The following EVI5 variants were observed in gnomAD, a reference collection of about 807,000 sequenced individuals.
The protein encoded by EVI5 is ecotropic viral integration site 5, also known as ecotropic viral integration site 5 protein homolog.
In EVI5, 73 loss-of-function variants were observed where a neutral mutation model predicts 112.0. The observed-to-expected ratio is 0.65, with a 90% CI of 0.54 to 0.79. EVI5 has a LOEUF of 0.79. Among genes scored for constraint, EVI5 ranks in the 30% least tolerant of loss-of-function variants. The probability of loss-of-function intolerance (pLI) is 0.00; values close to 1 mark genes in which losing one functional copy is unlikely to be tolerated. For missense variants in EVI5, 900 were observed against 968.8 expected (o/e 0.93, Z 0.94); for synonymous variants, 305 against 319.9 (o/e 0.95, Z 0.50).
chr1:92,685,961 C>A (rs1214791175), intron 9 of EVI5, among the ~76,000 whole-genome samples: 1 of 152,132 alleles, frequency 6.6e-6, no homozygotes, highest in African/African-American at 2.4e-5. Flanking sequence ...TCAAATTCTT[C>A]CAGAGGTACA....
chr1:92,586,569 C>T (rs1672815188), intron 18 of EVI5, among the ~76,000 whole-genome samples: 1 of 140,152 alleles, frequency 7.1e-6, no homozygotes, highest in Non-Finnish European at 1.5e-5. Flanking sequence ...GTCCCTTCAA[C>T]ACACTCCAAT....
Position 92,684,020 on chromosome 1 carries a change from G to A in EVI5, c.1098-6802C>T, listed in dbSNP as rs146114296. On this transcript the variant is annotated intron_variant, in intron 9 of 19. Coordinates refer to ENST00000684568, the MANE Select transcript of EVI5 (RefSeq NM_001350197.2). ...AGAACTTCCCTAACCTAGCAAGGCAGGACAACATTCAAATTGAGGAAAAAC... is the reference window on the plus strand; with the variant it reads ...AGAACTTCCCTAACCTAGCAAGGCAAGACAACATTCAAATTGAGGAAAAAC... Among the ~76,000 whole-genome samples, 20 of 152,256 alleles carry A rather than the reference G, an allele frequency of 1.3e-4. 1 individual carries two copies. The highest frequency in any genetic ancestry group is 4.8e-4 in the African/African-American group (20 of 41,544).
At chr1:92,671,845 C>T (rs1293814843) in intron 10 of EVI5, among the ~76,000 whole-genome samples, 1 of 151,222 alleles carries the variant, frequency 6.6e-6, no homozygotes, top group African/African-American at 2.4e-5. Context: ...CTCTGTCACC[C>T]AGGAAGGAAT....
intron 1 of EVI5, among the ~76,000 whole-genome samples, chr1:92,766,166 G>A (rs1445382519): frequency 6.7e-6 from 1 of 149,436 alleles, no homozygotes; most frequent in Non-Finnish European, 1.5e-5. Context: ...TAAGAACACT[G>A]GAAAACTGAA....
intron 18 of EVI5, among the ~76,000 whole-genome samples, chr1:92,599,771 C>A (rs775343001): frequency 8.6e-5 from 13 of 152,042 alleles, no homozygotes; most frequent in Non-Finnish European, 1.5e-4. Flanking sequence ...GTGATAGGTG[C>A]AGGAATAGGA....
At position 92,563,697 on chromosome 1, in the gene EVI5, T is replaced by C. The variant is rs761088118; in HGVS notation, c.2111A>G (p.Asp704Gly). 1 of 1,610,478 alleles carries C rather than the reference T, an allele frequency of 6.2e-7. No individual in the cohort carries two copies. The highest frequency in any genetic ancestry group is 8.5e-7 in the Non-Finnish European group (1 of 1,177,608). The change falls in exon 19 of 20, where the codon GAT becomes GGT. Residue 704 changes from aspartate to glycine, a missense_variant. By Grantham distance (94) the Asp-to-Gly change is moderately conservative. Coordinates refer to ENST00000684568, the MANE Select transcript of EVI5 (RefSeq NM_001350197.2). The stretch of plus-strand genomic sequence containing the variant: ...CAGTTCCCCAATATACTGGTTAGAA[T>C]CAGACTTGTTAAGCTGTCCTTGAAG... ...GKLQGQLNKS[D>G]SNQYIGELKD...
At chr1:92,762,087 G>GA (rs1166791697) in intron 1 of EVI5, among the ~76,000 whole-genome samples, 4 of 151,656 alleles carry the variant, frequency 2.6e-5, no homozygotes, top group African/African-American at 9.7e-5. Flanking sequence ...GGCTTCAGAA[G>GA]AAATAAAAAA....
At chr1:92,646,534 G>A (rs1660997269) in intron 13 of EVI5, among the ~76,000 whole-genome samples, 1 of 152,176 alleles carries the variant, frequency 6.6e-6, no homozygotes, top group East Asian at 1.9e-4. Context: ...CACAGTGCAC[G>A]CTCTAAGCTA....
chr1:92,648,882 T>C (rs1201450925), intron 13 of EVI5, among the ~76,000 whole-genome samples: 2 of 152,244 alleles, frequency 1.3e-5, no homozygotes, highest in Non-Finnish European at 2.9e-5. Context: ...TTGCGGTACA[T>C]ACCTCTGAGT....
chr1:92,752,563 T>C (rs1680350140), intron 1 of EVI5, among the ~76,000 whole-genome samples: 1 of 151,920 alleles, frequency 6.6e-6, no homozygotes, highest in Admixed American at 6.6e-5. Flanking sequence ...AAAGGACCAA[T>C]CGGAGTGCTA....
intron 5 of EVI5, among the ~76,000 whole-genome samples, chr1:92,701,668 G>C (rs1446087203): frequency 1.3e-5 from 2 of 151,912 alleles, no homozygotes; most frequent in Non-Finnish European, 2.9e-5. Flanking sequence ...ATATCCCTAG[G>C]GGGTAAAAGT....
chr1:92,705,169 C>A (rs1671773525), intron 2 of EVI5, among the ~76,000 whole-genome samples: 1 of 152,086 alleles, frequency 6.6e-6, no homozygotes, highest in Non-Finnish European at 1.5e-5. Flanking sequence ...AGGCAGAGCC[C>A]CCAAAATTAA....
chr1:92,736,461 G>A lies in EVI5; in HGVS notation c.86C>T (p.Ser29Phe), dbSNP rs142892400. The change falls in exon 2 of 20, where the codon TCT (serine) becomes TTT (phenylalanine). Residue 29 changes from serine to phenylalanine, a missense_variant. Transcript: ENST00000684568. The part of the protein sequence containing the change: ...TTLSTPALSP[S>F]SPSQLSPDDL... Reference sequence around the variant, plus strand: ...GTCTGGACTCAACTGTGATGGGGAAGATGGTGAAAGGGCTGGTGTTGATAG... The same window carrying A: ...GTCTGGACTCAACTGTGATGGGGAAAATGGTGAAAGGGCTGGTGTTGATAG... 8 of 1,613,884 alleles carry A rather than the reference G, an allele frequency of 5.0e-6. No homozygotes were observed. In the African/African-American group the frequency reaches 8.0e-5, roughly 16 times the overall value.
chr1:92,655,669 G>GTAGC (rs1398482102), intron 13 of EVI5, among the ~76,000 whole-genome samples: 1 of 152,094 alleles, frequency 6.6e-6, no homozygotes, highest in Non-Finnish European at 1.5e-5. Context: ...GCAGGCAGGA[G>GTAGC]TAGCTATCTT....
At chr1:92,764,824 C>A (rs1010715708) in intron 1 of EVI5, among the ~76,000 whole-genome samples, 3 of 152,104 alleles carry the variant, frequency 2.0e-5, no homozygotes, top group Admixed American at 6.5e-5. Flanking sequence ...TAACAAATTA[C>A]AATTTATTTG....
intron 19 of EVI5, among the ~76,000 whole-genome samples, chr1:92,537,798 T>TA (rs905894950): frequency 2.7e-5 from 4 of 150,320 alleles, no homozygotes; most frequent in Non-Finnish European, 5.9e-5. Flanking sequence ...AAAAAAAAAC[T>TA]AAAAAAAATT....
chr1:92,764,599 T>C (rs1051218718), intron 1 of EVI5, among the ~76,000 whole-genome samples: 1 of 152,228 alleles, frequency 6.6e-6, no homozygotes, highest in Non-Finnish European at 1.5e-5. Context: ...AGATACAGCA[T>C]GCAATTACCT....
chr1:92,685,175 T>G (rs1415294824), intron 9 of EVI5, among the ~76,000 whole-genome samples: 1 of 151,930 alleles, frequency 6.6e-6, no homozygotes, highest in East Asian at 1.9e-4. Context: ...CCTCAGCAAA[T>G]GTAAAAGAAC....
intron 13 of EVI5, among the ~76,000 whole-genome samples, chr1:92,643,033 TAGAC>T (rs1018476918): frequency 7.9e-5 from 12 of 152,202 alleles, no homozygotes; most frequent in Non-Finnish European, 7.3e-5. Flanking sequence ...AAGCTAGACT[TAGAC>T]AGTTGGTCTC....
Sources: allele counts gnomAD v4.1 joint callset (sites outside exome capture counted in the v4.1 genomes callset), GRCh38; gene constraint gnomAD v4.1.1; transcripts MANE v1.5; gene names NCBI Gene and HGNC (gene_info 2026-07-23, HGNC 2026-07-21).